NUSAP1: variants seen among roughly 807,000 people sequenced by gnomAD.
The protein encoded by NUSAP1 is nucleolar and spindle-associated protein 1.
A neutral mutation model predicts 52.8 loss-of-function variants in NUSAP1; 32 were observed. The ratio of observed to expected loss-of-function variants is 0.61; its 90% CI spans 0.46 to 0.81. The LOEUF is 0.81. NUSAP1 is among the 40% of genes least tolerant of loss of function. The pLI is 0.00. For synonymous variants in NUSAP1, 195 were observed against 183.1 expected (o/e 1.06, Z -0.52); for missense variants, 499 against 522.3 (o/e 0.96, Z 0.43).
chr15:41,380,257 C>G lies in NUSAP1; in HGVS notation c.*71C>G, dbSNP rs1273318903. 1.2e-6 allele frequency: 1 copy of G among 831,214 alleles called. No individual in the cohort carries two copies. Among genetic ancestry groups the G allele is most frequent in the Non-Finnish European group, 1.9e-6 (1 of 527,770 alleles). The allele number at this position is 831,214 out of a possible 1,614,324, so 51.5% of individuals were successfully genotyped here. On this transcript the variant is annotated 3_prime_UTR_variant, in exon 11 of 11. Coordinates refer to ENST00000559596, the MANE Select transcript of NUSAP1 (RefSeq NM_016359.5). ...TCCTTTTGTAAATTTTTTTTTTTTG[C>G]TGTCATCCCCACTTTAGTCACGAGA...
At chr15:41,378,951 T>C (rs1441290421) in intron 10 of NUSAP1, among the ~76,000 whole-genome samples, 3 of 102,032 alleles carry the variant, frequency 2.9e-5, no homozygotes, top group Non-Finnish European at 5.9e-5. Flanking sequence ...TTGGTTTTTT[T>C]TTTTTTTTTT....
Position 41,365,525 on chromosome 15 carries a change from A to G in NUSAP1, c.784A>G (p.Ser262Gly). 6.2e-7 allele frequency: 1 copy of G among 1,613,020 alleles called. No individual in the cohort carries two copies. Among genetic ancestry groups the G allele is most frequent in the Admixed American group, 1.7e-5 (1 of 59,836 alleles). The change falls in exon 7 of 11, where the codon AGT (serine) becomes GGT (glycine). Residue 262 changes from serine to glycine, a missense_variant. By Grantham distance (56) the Ser-to-Gly change is moderately conservative (BLOSUM62 0). Transcript: ENST00000559596. ...CCGGTCTTGTGGCCCTGCAAGTCAGAGTACCTTGGGTCTGAAGGGGTCACT... is the reference window on the plus strand; with the variant it reads ...CCGGTCTTGTGGCCCTGCAAGTCAGGGTACCTTGGGTCTGAAGGGGTCACT... ...QGRSCGPASQSTLGLKGSLKR... is the reference protein window; with the variant it reads ...QGRSCGPASQGTLGLKGSLKR...
intron 6 of NUSAP1, among the ~76,000 whole-genome samples, chr15:41,360,816 G>A (rs1355047196): frequency 4.0e-5 from 5 of 125,066 alleles, no homozygotes; most frequent in Admixed American, 8.5e-5. Context: ...TTTTTTTTGC[G>A]ATGAGTCTCA....
At position 41,375,752 on chromosome 15, in the gene NUSAP1, T is replaced by G; in HGVS notation, c.1047T>G (p.Thr349=). The G allele has an allele frequency of 6.2e-7, 1 of 1,613,914 alleles. No homozygotes were observed. The highest frequency in any genetic ancestry group is 1.3e-5 in the African/African-American group (1 of 75,064). Residue 349 remains threonine, a synonymous_variant, in exon 9 of 11, where the codon ACT becomes ACG. Transcript: ENST00000559596. ...PFKLTTEATQ[T]PVSNKKPVFD... The stretch of plus-strand genomic sequence containing the variant: ...AGTTGACAACTGAGGCAACGCAGAC[T>G]CCAGTCTCCAATAAGAAACCAGTGT...
At chr15:41,353,674 A>G (rs926857085) in intron 4 of NUSAP1, among the ~76,000 whole-genome samples, 1 of 152,246 alleles carries the variant, frequency 6.6e-6, no homozygotes, top group Non-Finnish European at 1.5e-5. Flanking sequence ...ATGAAAGCTC[A>G]TTGCATATTT....
chr15:41,369,413 C>T (rs1298023162), intron 7 of NUSAP1, among the ~76,000 whole-genome samples: 1 of 151,672 alleles, frequency 6.6e-6, no homozygotes, highest in Non-Finnish European at 1.5e-5. Flanking sequence ...CTTGGGAGCC[C>T]GAGTTGGGTG....
chr15:41,333,080 C>T (rs1298987906), intron 1 of NUSAP1, 30 bp downstream of exon 1: 4 of 1,549,976 alleles, frequency 2.6e-6, no homozygotes, highest in African/African-American at 2.7e-5. Flanking sequence ...GGTCCCTGGG[C>T]GGGCGCGGCG....
At chr15:41,363,055 G>A (rs1193879012) in intron 6 of NUSAP1, among the ~76,000 whole-genome samples, 5 of 151,996 alleles carry the variant, frequency 3.3e-5, no homozygotes, top group Non-Finnish European at 5.9e-5. Flanking sequence ...GGGAGGCTGA[G>A]GTGGGTGGAT....
chr15:41,335,711 A>G (rs1197754928), intron 1 of NUSAP1, among the ~76,000 whole-genome samples: 1 of 143,154 alleles, frequency 7.0e-6, no homozygotes, highest in African/African-American at 2.5e-5. Context: ...TAGTATAAAT[A>G]TACTAAATAT....
At chr15:41,340,982 G>C (rs1411561234) in intron 1 of NUSAP1, among the ~76,000 whole-genome samples, 1 of 152,172 alleles carries the variant, frequency 6.6e-6, no homozygotes, top group Non-Finnish European at 1.5e-5. Context: ...CCTGGTGGCT[G>C]GGCCCACCTT....
intron 8 of NUSAP1, among the ~76,000 whole-genome samples, chr15:41,373,264 C>T (rs911792220): frequency 6.6e-6 from 1 of 151,304 alleles, no homozygotes; most frequent in Non-Finnish European, 1.5e-5. Context: ...CGTGGTGGCA[C>T]GCGCCTGTAA....
rs186275007 is a variant in NUSAP1 at position 41,375,260 on chromosome 15, C to T, written c.1007-452C>T. 5.2e-3 allele frequency among the ~76,000 whole-genome samples: 792 copies of T among 151,352 alleles called. 5 individuals carry two copies. The highest frequency in any genetic ancestry group is 8.5e-3 in the Non-Finnish European group (580 of 67,884). On this transcript the variant is annotated intron_variant, in intron 8 of 10. Transcript: ENST00000559596. Reference sequence around the variant, plus strand: ...TGGCGCAATCTCAGCTCACCACAACCTCCGCCTTCCGGGTTCAAGCAATTC... The same window carrying T: ...TGGCGCAATCTCAGCTCACCACAACTTCCGCCTTCCGGGTTCAAGCAATTC...
At chr15:41,334,056 C>T (rs1595512360) in intron 1 of NUSAP1, among the ~76,000 whole-genome samples, 1 of 152,220 alleles carries the variant, frequency 6.6e-6, no homozygotes, top group Non-Finnish European at 1.5e-5. Context: ...CTCCTGCAGG[C>T]TGTGATACTG....
rs1044900545 is a variant in NUSAP1 at position 41,380,732 on chromosome 15, A to G, written c.*546A>G. ...TTTAGGCTTATGTACCTTCGTTCAA[A>G]TATCCTCATGTAATTGCCATCTGTC... On this transcript the variant is annotated 3_prime_UTR_variant, in exon 11 of 11. Coordinates refer to ENST00000559596, the MANE Select transcript of NUSAP1 (RefSeq NM_016359.5). The G allele has an allele frequency of 6.6e-6, 1 of 152,334 alleles. No individual in the cohort carries two copies. The highest frequency in any genetic ancestry group is 1.5e-5 in the Non-Finnish European group (1 of 68,154). 9.4% of individuals were successfully genotyped at this position (152,334 alleles called of 1,614,324 possible).
At chr15:41,333,098 C>A (rs745767883) in intron 1 of NUSAP1, 48 bp downstream of exon 1, 2 of 1,444,264 alleles carry the variant, frequency 1.4e-6, no homozygotes, top group Non-Finnish European at 1.9e-6. Context: ...GCGGGAATAG[C>A]GGCCTCGGGG....
intron 6 of NUSAP1, 94 bp from the exon 7 acceptor site, chr15:41,365,308 C>A: frequency 9.4e-7 from 1 of 1,060,832 alleles, no homozygotes; most frequent in Non-Finnish European, 1.3e-6. Context: ...AGGCACATGC[C>A]ACAACGCCCG....
chr15:41,375,976 G>A, intron 9 of NUSAP1, 148 bp downstream of exon 9: 1 of 596,920 alleles, frequency 1.7e-6, no homozygotes, highest in South Asian at 2.0e-5. Flanking sequence ...TGAGACAGGA[G>A]AATCACTTGA....
At chr15:41,347,412 G>A (rs556543245) in intron 2 of NUSAP1, among the ~76,000 whole-genome samples, 12 of 152,252 alleles carry the variant, frequency 7.9e-5, no homozygotes, top group Admixed American at 2.6e-4. Context: ...GGGCATTCAA[G>A]GAACCACCAG....
At position 41,369,850 on chromosome 15, in the gene NUSAP1, G is replaced by A. The variant is rs892410901; in HGVS notation, c.849-1677G>A. On this transcript the variant is annotated intron_variant, in intron 7 of 10. Transcript: ENST00000559596. ...TGGGAGGCCGAGGCGGGCAGATCAC[G>A]AGGTCAGGAGTTCAAGACCAGCCTG... 7.9e-5 allele frequency among the ~76,000 whole-genome samples: 12 copies of A among 151,578 alleles called. 1 individual carries two copies. Among genetic ancestry groups the A allele is most frequent in the African/African-American group, 2.4e-4 (10 of 41,224 alleles).
Sources: allele counts gnomAD v4.1 joint callset (sites outside exome capture counted in the v4.1 genomes callset), GRCh38; gene constraint gnomAD v4.1.1; transcripts MANE v1.5; gene names NCBI Gene and HGNC (gene_info 2026-07-23, HGNC 2026-07-21).